The following KLHL20 variants were observed in gnomAD, a reference collection of about 807,000 sequenced individuals.
KLHL20 encodes the protein kelch like family member 20.
In KLHL20, 29 loss-of-function variants were observed where a neutral mutation model predicts 69.5. The ratio of observed to expected loss-of-function variants is 0.42; its 90% CI spans 0.31 to 0.57. The LOEUF (loss-of-function observed/expected upper bound fraction) is 0.57. Among genes scored for constraint, KLHL20 ranks in the 20% least tolerant of loss-of-function variants. The pLI is 0.18. For missense variants in KLHL20, 419 were observed against 776.0 expected (o/e 0.54, Z 5.47); for synonymous variants, 253 against 265.2 (o/e 0.95, Z 0.45).
At chr1:173,780,107 T>TA (rs113122203) in intron 10 of KLHL20, among the ~76,000 whole-genome samples, 2,094 of 152,326 alleles carry the variant, frequency 0.014, 47 homozygotes, top group African/African-American at 0.046. Context: ...CTGGTTTGCG[T>TA]AAATCAAGGA....
chr1:173,771,276 C>T (rs200620115), intron 8 of KLHL20, among the ~76,000 whole-genome samples: 1 of 152,224 alleles, frequency 6.6e-6, no homozygotes, highest in African/African-American at 2.4e-5. Flanking sequence ...ATGTGGTTCA[C>T]ACCTGTAATC....
chr1:173,763,032 C>T (rs187594831), intron 7 of KLHL20, among the ~76,000 whole-genome samples: 25 of 152,154 alleles, frequency 1.6e-4, no homozygotes, highest in Admixed American at 8.5e-4. Flanking sequence ...GCATAGTTTC[C>T]GGATACAAGA....
At chr1:173,747,177 CATAAT>C (rs142365921) in intron 3 of KLHL20, among the ~76,000 whole-genome samples, 172 of 152,024 alleles carry the variant, frequency 1.1e-3, no homozygotes, top group African/African-American at 4.0e-3. Flanking sequence ...TTTCTGTTCT[CATAAT>C]ATAGTATTTG....
At chr1:173,746,065 G>C (rs1478183565) in intron 3 of KLHL20, among the ~76,000 whole-genome samples, 1 of 152,074 alleles carries the variant, frequency 6.6e-6, no homozygotes, top group Non-Finnish European at 1.5e-5. Context: ...TTTTTATGGA[G>C]ATAATCATAT....
chr1:173,755,459 T>C (rs559277542), intron 5 of KLHL20, among the ~76,000 whole-genome samples: 1 of 152,324 alleles, frequency 6.6e-6, no homozygotes, highest in Admixed American at 6.5e-5. Flanking sequence ...TGTTACCAGA[T>C]AGCAAATTTG....
chr1:173,782,271 T>C, intron 11 of KLHL20, 41 bp downstream of exon 11: 2 of 1,437,424 alleles, frequency 1.4e-6, no homozygotes, highest in Non-Finnish European at 2.0e-6. Flanking sequence ...CACTACTGAT[T>C]TGGAAATCAT....
At chr1:173,717,897 A>T (rs1176793157) in intron 2 of KLHL20, among the ~76,000 whole-genome samples, 1 of 152,152 alleles carries the variant, frequency 6.6e-6, no homozygotes, top group Non-Finnish European at 1.5e-5. Flanking sequence ...TCATTACCTC[A>T]TTTATTTATG....
intron 7 of KLHL20, among the ~76,000 whole-genome samples, chr1:173,764,310 G>A (rs1647530936): frequency 6.6e-6 from 1 of 152,186 alleles, no homozygotes; most frequent in South Asian, 2.1e-4. Context: ...ATGGAAAACA[G>A]TGCAGAGATT....
intron 5 of KLHL20, among the ~76,000 whole-genome samples, chr1:173,753,877 C>T (rs2102501591): frequency 6.6e-6 from 1 of 152,298 alleles, no homozygotes; most frequent in Middle Eastern, 3.4e-3. Flanking sequence ...TTTTACTAGG[C>T]TGTCTTTAAA....
intron 3 of KLHL20, among the ~76,000 whole-genome samples, chr1:173,737,213 A>G (rs1291008771): frequency 6.6e-6 from 1 of 152,228 alleles, no homozygotes; most frequent in Non-Finnish European, 1.5e-5. Flanking sequence ...TTTGCTGTGC[A>G]GAAGCTTTTT....
In KLHL20 at chr1:173,733,878, G is replaced by C; in HGVS notation, c.189G>C (p.Lys63Asn). The change falls in exon 3 of 12, where the codon AAG becomes AAC. Residue 63 changes from lysine to asparagine, a missense_variant. This residue lies in a region of KLHL20 where 129 missense variants were observed against 183.6 expected (regional missense o/e 0.70). Transcript: ENST00000209884. ...TGGAAGTGATTAACCTTCTGAGAAA[G>C]CACCGGGAGCTATGTGATGTGGTGC... ...QTLEVINLLR[K>N]HRELCDVVLV... 1 of 1,614,160 alleles carries C rather than the reference G, an allele frequency of 6.2e-7. No individual in the cohort carries two copies. The highest frequency in any genetic ancestry group is 8.5e-7 in the Non-Finnish European group (1 of 1,180,034).
intron 2 of KLHL20, among the ~76,000 whole-genome samples, chr1:173,727,397 G>A (rs957126505): frequency 6.6e-6 from 1 of 152,048 alleles, no homozygotes; most frequent in Non-Finnish European, 1.5e-5. Context: ...GAAATACAGA[G>A]AACGCCACAA....
chr1:173,774,374 G>A lies in KLHL20; in HGVS notation c.1365G>A (p.Val455=). ...GTACCAGAAGACTAGGTGTGGCTGT[G>A]GCTGTGTTAGGAGGGTTCTTATATG... ...SMSTRRLGVA[V]AVLGGFLYAV... The change falls in exon 9 of 12, where the codon GTG becomes GTA. Residue 455 remains valine, a synonymous_variant. Transcript: ENST00000209884. 1 of 1,614,166 alleles carries A rather than the reference G, an allele frequency of 6.2e-7. No individual in the cohort carries two copies. Among genetic ancestry groups the A allele is most frequent in the Non-Finnish European group, 8.5e-7 (1 of 1,180,026 alleles).
At chr1:173,756,866 C>A in intron 6 of KLHL20, 110 bp from the exon 7 acceptor site, 2 of 945,440 alleles carry the variant, frequency 2.1e-6, no homozygotes, top group Non-Finnish European at 3.2e-6. Context: ...TGACCTACTA[C>A]TAGAGACATT....
At chr1:173,768,868 C>T (rs1264577541) in intron 8 of KLHL20, among the ~76,000 whole-genome samples, 1 of 152,174 alleles carries the variant, frequency 6.6e-6, no homozygotes, top group Non-Finnish European at 1.5e-5. Flanking sequence ...CCATTAGCCA[C>T]AAGACCTGCA....
chr1:173,715,779 G>A (rs796260994), intron 1 of KLHL20: 2 of 455,922 alleles, frequency 4.4e-6, no homozygotes, highest in South Asian at 9.1e-5. Flanking sequence ...GGACTATTTA[G>A]CATACTTTCC....
chr1:173,753,390 A>G (rs1415325055), intron 5 of KLHL20, 83 bp downstream of exon 5: 4 of 1,028,452 alleles, frequency 3.9e-6, no homozygotes, highest in Non-Finnish European at 4.5e-6. Flanking sequence ...TGCTTCCTAA[A>G]TATTGTATTT....
At chr1:173,742,013 G>A (rs1275932619) in intron 3 of KLHL20, 7 of 514,532 alleles carry the variant, frequency 1.4e-5, no homozygotes, top group Middle Eastern at 5.0e-4. Context: ...TATCATAGAC[G>A]ACATTAATCT....
intron 7 of KLHL20, among the ~76,000 whole-genome samples, chr1:173,765,935 A>G (rs1052614525): frequency 6.6e-6 from 1 of 152,172 alleles, no homozygotes; most frequent in Non-Finnish European, 1.5e-5. Flanking sequence ...TTTATCAATA[A>G]TATTCTGATT....
Sources: gnomAD v4.1 joint callset for allele counts (sites outside exome capture counted in the v4.1 genomes callset) on GRCh38, gnomAD v4.1.1 for gene constraint, gnomAD v4.1.1 regional missense constraint, MANE v1.5 for transcripts, NCBI Gene and HGNC (gene_info 2026-07-23, HGNC 2026-07-21) for gene names.